ARB2A: variants seen among roughly 807,000 people sequenced by gnomAD.
ARB2A encodes the protein cotranscriptional regulator ARB2A.
the ARB2A span, among the ~76,000 whole-genome samples, chr5:93,653,660 A>G: frequency 6.6e-6 from 1 of 151,722 alleles, no homozygotes; most frequent in Non-Finnish European, 1.5e-5. Context: ...CATTTGACCA[A>G]GGAGTCTGTC....
the ARB2A span, among the ~76,000 whole-genome samples, chr5:94,001,958 G>T: frequency 6.6e-6 from 1 of 152,022 alleles, no homozygotes; most frequent in Non-Finnish European, 1.5e-5. Flanking sequence ...GGAGGGGAAT[G>T]GTTCTCTGAT....
chr5:93,942,600 A>C, the ARB2A span, among the ~76,000 whole-genome samples: 1 of 151,914 alleles, frequency 6.6e-6, no homozygotes, highest in African/African-American at 2.4e-5. Flanking sequence ...ATTACATGTT[A>C]AGTTCACTTA....
the ARB2A span, among the ~76,000 whole-genome samples, chr5:93,637,509 C>T: frequency 2.6e-5 from 4 of 151,966 alleles, no homozygotes; most frequent in East Asian, 1.9e-4. Flanking sequence ...CTAGGTTGTA[C>T]GTTAGTTGCA....
the ARB2A span, among the ~76,000 whole-genome samples, chr5:93,744,819 T>C: frequency 3.9e-5 from 6 of 152,144 alleles, no homozygotes; most frequent in Non-Finnish European, 8.8e-5. Context: ...AAAATCACTC[T>C]TAGTAAGTGA....
the ARB2A span, among the ~76,000 whole-genome samples, chr5:94,069,960 C>G: frequency 1.3e-3 from 192 of 152,198 alleles, 1 homozygote; most frequent in African/African-American, 4.5e-3. Flanking sequence ...GAAAAGGAAT[C>G]AGTATATCTA....
the ARB2A span, chr5:93,741,119 TC>T: frequency 6.2e-7 from 1 of 1,613,852 alleles, no homozygotes; most frequent in East Asian, 2.2e-5. Context: ...CCCACAGCGA[TC>T]CCCACATCGG....
chr5:93,830,937 T>C, the ARB2A span, among the ~76,000 whole-genome samples: 1 of 152,106 alleles, frequency 6.6e-6, no homozygotes. Flanking sequence ...TCTCTGGGGG[T>C]GATGAGAGAC....
At chr5:94,071,583 G>A in the ARB2A span, among the ~76,000 whole-genome samples, 3 of 151,952 alleles carry the variant, frequency 2.0e-5, no homozygotes, top group African/African-American at 4.8e-5. Context: ...CAAAAAATAC[G>A]AATAGGTATT....
chr5:93,736,268 T>G, the ARB2A span: 1 of 152,180 alleles, frequency 6.6e-6, no homozygotes, highest in African/African-American at 2.4e-5. Flanking sequence ...ACACCTCCAT[T>G]GTCCACCTGA....
At chr5:94,061,884 A>G in the ARB2A span, among the ~76,000 whole-genome samples, 1 of 152,114 alleles carries the variant, frequency 6.6e-6, no homozygotes, top group African/African-American at 2.4e-5. Flanking sequence ...AAGTTTAAAT[A>G]CAATTCCTAT....
the ARB2A span, among the ~76,000 whole-genome samples, chr5:93,898,508 G>A: frequency 6.6e-6 from 1 of 151,860 alleles, no homozygotes; most frequent in Non-Finnish European, 1.5e-5. Context: ...ACTTAATTTT[G>A]GGTAGTGGCA....
At chr5:93,668,717 T>A in the ARB2A span, among the ~76,000 whole-genome samples, 2 of 152,198 alleles carry the variant, frequency 1.3e-5, no homozygotes, top group Admixed American at 6.5e-5. Flanking sequence ...CTTCACTATG[T>A]ATTTTATTCT....
the ARB2A span, among the ~76,000 whole-genome samples, chr5:93,704,239 C>A: frequency 6.6e-6 from 1 of 152,132 alleles, no homozygotes; most frequent in Non-Finnish European, 1.5e-5. Flanking sequence ...AGTATGCCAA[C>A]AGGAGAAATG....
At chr5:93,774,033 C>T in the ARB2A span, among the ~76,000 whole-genome samples, 1 of 152,214 alleles carries the variant, frequency 6.6e-6, no homozygotes, top group Non-Finnish European at 1.5e-5. Context: ...ACCTTGGCCT[C>T]CCAAAGTACT....
At chr5:93,765,134 T>C in the ARB2A span, among the ~76,000 whole-genome samples, 1 of 152,132 alleles carries the variant, frequency 6.6e-6, no homozygotes, top group Non-Finnish European at 1.5e-5. Context: ...AAAACTGGCG[T>C]AAGACAGGGA....
At chr5:94,111,618 G>C in the ARB2A span, 3 of 152,364 alleles carry the variant, frequency 2.0e-5, no homozygotes, top group Non-Finnish European at 4.4e-5. Flanking sequence ...TTTCCCTCTC[G>C]GGATCCGCGC....
At chr5:93,806,184 C>A in the ARB2A span, among the ~76,000 whole-genome samples, 2 of 152,016 alleles carry the variant, frequency 1.3e-5, no homozygotes, top group South Asian at 4.1e-4. Flanking sequence ...AACGTAATAT[C>A]TGTGTTTACA....
chr5:93,624,290 A>G, the ARB2A span, among the ~76,000 whole-genome samples: 2 of 152,218 alleles, frequency 1.3e-5, no homozygotes, highest in East Asian at 1.9e-4. Context: ...TTGTCATTTG[A>G]AGGGGAAAAA....
the ARB2A span, chr5:94,055,961 T>C: frequency 1.1e-6 from 1 of 903,766 alleles, no homozygotes; most frequent in Non-Finnish European, 1.3e-6. Context: ...CACTTTCATA[T>C]ACATTACTTC....
Sources: allele counts gnomAD v4.1 joint callset (sites outside exome capture counted in the v4.1 genomes callset), GRCh38; gene constraint gnomAD v4.1.1; transcripts MANE v1.5; gene names NCBI Gene and HGNC (gene_info 2026-07-23, HGNC 2026-07-21).